Variants in CMBL observed in about 807,000 individuals in gnomAD.
CMBL encodes the protein carboxymethylenebutenolidase homolog, also known as carboxymethylenebutenolidase homolog (Pseudomonas).
Under a neutral mutation model 28.7 loss-of-function variants are expected in CMBL, and 17 were observed. The observed-to-expected ratio is 0.59, with a 90% CI of 0.41 to 0.89. The LOEUF (loss-of-function observed/expected upper bound fraction) is 0.89. Ranked by LOEUF, CMBL falls within the 40% of genes least tolerant of loss-of-function variation. The pLI, the probability that CMBL is intolerant of heterozygous loss-of-function variation, is 0.00. For synonymous variants in CMBL, 106 were observed against 101.6 expected, an observed-to-expected ratio of 1.04 and a Z score of -0.26; for missense variants, 310 against 298.5, an observed-to-expected ratio of 1.04 and a Z score of -0.28.
In CMBL at chr5:10,286,469, C is replaced by G. The variant is rs1327986770; in HGVS notation, c.351G>C (p.Leu117=). 1 of 1,614,136 alleles carries G rather than the reference C, an allele frequency of 6.2e-7. No individual in the cohort carries two copies. The highest frequency in any genetic ancestry group is 2.2e-5 in the East Asian group (1 of 44,884). Residue 117 remains leucine, a synonymous_variant, in exon 4 of 6, where the codon CTG becomes CTC. Transcript: ENST00000296658. ...DREISAILKY[L]KQQCHAQKIG... is the part of the protein sequence containing the mutation. ...TTTTCTGGGCATGACACTGTTGTTT[C>G]AGATACTTCAAGATAGCACTGATCT...
At chr5:10,297,655 G>GAA (rs1426349716) in intron 1 of CMBL, among the ~76,000 whole-genome samples, 3 of 150,356 alleles carry the variant, frequency 2.0e-5, no homozygotes, top group African/African-American at 7.3e-5. Flanking sequence ...TAAAGTGGAA[G>GAA]AAATCTCAGC....
At position 10,286,509 on chromosome 5, in the gene CMBL, GA is replaced by G; in HGVS notation, c.324-14del. 1 of 1,606,806 alleles carries G rather than the reference GA, an allele frequency of 6.2e-7. No individual in the cohort carries two copies. The highest frequency in any genetic ancestry group is 1.3e-5 in the African/African-American group (1 of 74,714). Reference sequence around the variant, plus strand: ...AGCACTGATCTCTCTAGAACAGAAAGAAAAAATATTCAAGAATCAGGCTTAT... The same window carrying G: ...AGCACTGATCTCTCTAGAACAGAAAGAAAAATATTCAAGAATCAGGCTTAT... On this transcript the variant is annotated splice_polypyrimidine_tract_variant and intron_variant, in intron 3 of 5. Transcript: ENST00000296658.
intron 4 of CMBL, among the ~76,000 whole-genome samples, chr5:10,285,272 G>A (rs1035482202): frequency 1.4e-4 from 21 of 152,162 alleles, no homozygotes; most frequent in African/African-American, 4.8e-4. Flanking sequence ...GGGTTCAAGC[G>A]ATTCTCCTGC....
At chr5:10,285,700 C>T (rs376229970) in intron 4 of CMBL, among the ~76,000 whole-genome samples, 2,661 of 133,572 alleles carry the variant, frequency 0.02, 85 homozygotes, top group African/African-American at 0.069. Context: ...CTTTCTTTTT[C>T]TTTTTTTTTT....
intron 1 of CMBL, among the ~76,000 whole-genome samples, chr5:10,300,368 C>T (rs144000583): frequency 6.6e-6 from 1 of 152,146 alleles, no homozygotes; most frequent in Non-Finnish European, 1.5e-5. Flanking sequence ...TCCTGGCCTC[C>T]AGAACTATGA....
intron 4 of CMBL, among the ~76,000 whole-genome samples, chr5:10,284,715 G>T (rs1020191714): frequency 3.3e-5 from 5 of 152,146 alleles, no homozygotes; most frequent in African/African-American, 1.2e-4. Context: ...ATGCATTTTC[G>T]ACTTGAGATA....
chr5:10,293,819 C>T (rs1561064594), intron 1 of CMBL, among the ~76,000 whole-genome samples: 1 of 152,220 alleles, frequency 6.6e-6, no homozygotes, highest in South Asian at 2.1e-4. Flanking sequence ...AAATAAAAAT[C>T]CCTGACCTCA....
rs539752310 is a variant in CMBL at position 10,288,835 on chromosome 5, G to A, written c.216-306C>T. Among the ~76,000 whole-genome samples the A allele has an allele frequency of 2.0e-5, 3 of 152,310 alleles. No individual in the cohort carries two copies. The South Asian group carries it at 6.2e-4, about 32-fold the overall frequency. On this transcript the variant is annotated intron_variant, in intron 2 of 5. Transcript: ENST00000296658. ...GGCATGGGATGTGGAGGCACCTGGG[G>A]GAGTGGGCCTGACGTGGGTGGCTTT...
rs539998656 is a variant in CMBL, at chr5:10,294,551, G to A, written c.-19-3770C>T. On this transcript the variant is annotated intron_variant, in intron 1 of 5. Coordinates refer to ENST00000296658, the MANE Select transcript of CMBL (RefSeq NM_138809.4). ...GGCACTCCAGCCTGGATGACACAGA[G>A]AGATCCTGTCTCAAAAAAAAAAAAA... Among the ~76,000 whole-genome samples, 8 of 151,150 alleles carry A rather than the reference G, an allele frequency of 5.3e-5. No homozygotes were observed. In the South Asian group the frequency reaches 1.7e-3, roughly 32 times the overall value.
intron 4 of CMBL, among the ~76,000 whole-genome samples, chr5:10,283,577 G>A (rs192447209): frequency 2.8e-4 from 42 of 152,218 alleles, no homozygotes; most frequent in Non-Finnish European, 5.4e-4. Context: ...TCAGGAGTTC[G>A]AGACCAGCCT....
At chr5:10,298,358 A>G (rs1746843028) in intron 1 of CMBL, among the ~76,000 whole-genome samples, 1 of 152,222 alleles carries the variant, frequency 6.6e-6, no homozygotes. Flanking sequence ...CATAAACCAT[A>G]AAGAAAAGGA....
rs1408387549 is a variant in CMBL at position 10,277,832 on chromosome 5, G to T, written c.*2621C>A. Among the ~76,000 whole-genome samples, 1 of 152,190 alleles carries T rather than the reference G, an allele frequency of 6.6e-6. No homozygotes were observed. Among genetic ancestry groups the T allele is most frequent in the South Asian group, 2.1e-4 (1 of 4,824 alleles). ...ACTCAGCAGAGGGAAGGCTGCCCAG[G>T]CCCCAAGCTCACCATGAAGGATACA... On this transcript the variant is annotated 3_prime_UTR_variant, in exon 6 of 6. Coordinates refer to ENST00000296658, the MANE Select transcript of CMBL (RefSeq NM_138809.4).
rs951412238 is a variant in CMBL at position 10,278,276 on chromosome 5, T to A, written c.*2177A>T. Among the ~76,000 whole-genome samples, 3 of 152,124 alleles carry A rather than the reference T, an allele frequency of 2.0e-5. No individual in the cohort carries two copies. The highest frequency in any genetic ancestry group is 7.2e-5 in the African/African-American group (3 of 41,418). ...AGGGATTAGTAACACAGTTTCCAGT[T>A]ATACAACTTCTCACTGTTCCCCAAG... On this transcript the variant is annotated 3_prime_UTR_variant, in exon 6 of 6. Coordinates refer to ENST00000296658, the MANE Select transcript of CMBL (RefSeq NM_138809.4).
chr5:10,292,847 T>G, intron 1 of CMBL, among the ~76,000 whole-genome samples: 1 of 118,040 alleles, frequency 8.5e-6, no homozygotes, highest in Non-Finnish European at 2.1e-5. Context: ...AAAAAAAAAT[T>G]AAGGTTCCAT....
At chr5:10,302,901 C>T (rs2126564766) in intron 1 of CMBL, among the ~76,000 whole-genome samples, 1 of 152,326 alleles carries the variant, frequency 6.6e-6, no homozygotes, top group South Asian at 2.1e-4. Context: ...AGAGAATCCC[C>T]TTCCCTTTCC....
intron 1 of CMBL, among the ~76,000 whole-genome samples, chr5:10,294,318 T>G (rs1277559683): frequency 1.3e-5 from 2 of 152,168 alleles, no homozygotes; most frequent in Admixed American, 6.5e-5. Flanking sequence ...CTCATGCCTG[T>G]AATCTCAATA....
intron 2 of CMBL, chr5:10,290,265 G>A (rs10038112): frequency 0.1 from 44,061 of 430,598 alleles, 4,023 homozygotes; most frequent in African/African-American, 0.34. Flanking sequence ...CCTGCGTCTG[G>A]CTGAGGCCCC....
rs571107077 is a variant in CMBL, at chr5:10,294,896, T to A, written c.-19-4115A>T. On this transcript the variant is annotated intron_variant, in intron 1 of 5. Coordinates refer to ENST00000296658, the MANE Select transcript of CMBL (RefSeq NM_138809.4). ...TGTGGGAAGAGCTGGTTTGAGGAGATAAGGACTTCAGTTTGGGGCATATTA... is the reference window on the plus strand; with the variant it reads ...TGTGGGAAGAGCTGGTTTGAGGAGAAAAGGACTTCAGTTTGGGGCATATTA... Among the ~76,000 whole-genome samples the A allele has an allele frequency of 2.0e-5, 3 of 152,268 alleles. No homozygotes were observed. The South Asian group carries it at 6.2e-4, about 32-fold the overall frequency.
In CMBL at chr5:10,282,799, A is replaced by C. The variant is rs188066206; in HGVS notation, c.467-511T>G. 1.4e-4 allele frequency among the ~76,000 whole-genome samples: 21 copies of C among 150,818 alleles called. No homozygotes were observed. The East Asian group carries it at 3.0e-3, about 21-fold the overall frequency. On this transcript the variant is annotated intron_variant, in intron 4 of 5. Transcript: ENST00000296658. ...CCCGTCAAAACAAAACAAACAAACA[A>C]AAAACCCAAAGCCTGGGCGCAGTGA...
Sources: allele counts gnomAD v4.1 joint callset (sites outside exome capture counted in the v4.1 genomes callset), GRCh38; gene constraint gnomAD v4.1.1; transcripts MANE v1.5; gene names NCBI Gene and HGNC (gene_info 2026-07-23, HGNC 2026-07-21).